Variants in COL14A1 observed in about 807,000 individuals in gnomAD.
COL14A1 encodes the protein collagen alpha-1(XIV) chain.
Under a neutral mutation model 230.3 loss-of-function variants are expected in COL14A1, and 136 were observed. The ratio of observed to expected loss-of-function variants is 0.59; its 90% CI spans 0.51 to 0.68. The LOEUF is 0.68. Among genes scored for constraint, COL14A1 ranks in the 30% least tolerant of loss-of-function variants. COL14A1 has a pLI of 0.00. For synonymous variants in COL14A1, 792 were observed against 784.1 expected, an observed-to-expected ratio of 1.01 and a Z score of -0.17; for missense variants, 1,976 against 2,215.8, an observed-to-expected ratio of 0.89 and a Z score of 2.17.
At chr8:120,307,756 G>C (rs906597360) in intron 36 of COL14A1, among the ~76,000 whole-genome samples, 8 of 152,134 alleles carry the variant, frequency 5.3e-5, no homozygotes, top group Admixed American at 2.0e-4. Context: ...TGTAAAGTTT[G>C]ATAATATTCA....
In COL14A1 at chr8:120,227,210, T is replaced by C. The variant is rs748732907; in HGVS notation, c.2005-10T>C. 6.2e-7 allele frequency: 1 copy of C among 1,613,296 alleles called. No homozygotes were observed. Among genetic ancestry groups the C allele is most frequent in the Non-Finnish European group, 8.5e-7 (1 of 1,179,740 alleles). Reference sequence around the variant, plus strand: ...TAAGCATAGTTACTAAGCACCAAAATATATTTCAGGTTGTCCTGAAAGAAG... The same window carrying C: ...TAAGCATAGTTACTAAGCACCAAAACATATTTCAGGTTGTCCTGAAAGAAG... On this transcript the variant is annotated splice_polypyrimidine_tract_variant and intron_variant, in intron 16 of 47. Transcript: ENST00000297848.
chr8:120,271,638 A>G (rs1382623579), intron 26 of COL14A1, among the ~76,000 whole-genome samples: 1 of 151,676 alleles, frequency 6.6e-6, no homozygotes, highest in Non-Finnish European at 1.5e-5. Flanking sequence ...AGAGAAAATG[A>G]TAAGTACAGA....
At chr8:120,159,106 T>A (rs1158836667) in intron 3 of COL14A1, among the ~76,000 whole-genome samples, 1 of 152,220 alleles carries the variant, frequency 6.6e-6, no homozygotes, top group African/African-American at 2.4e-5. Flanking sequence ...TGGAGTTTTC[T>A]ATGAATTTGC....
intron 20 of COL14A1, among the ~76,000 whole-genome samples, chr8:120,246,215 C>T (rs1413117045): frequency 1.3e-5 from 2 of 152,140 alleles, no homozygotes; most frequent in African/African-American, 4.8e-5. Flanking sequence ...TGGCATCTCT[C>T]CCTCCTCCCG....
chr8:120,368,485 C>G (rs368483795), intron 46 of COL14A1, among the ~76,000 whole-genome samples: 12 of 150,852 alleles, frequency 8.0e-5, no homozygotes, highest in African/African-American at 2.4e-4. Flanking sequence ...CCACGCTATT[C>G]AAATAGAAGG....
At chr8:120,366,009 G>T (rs1823396880) in intron 45 of COL14A1, among the ~76,000 whole-genome samples, 2 of 152,178 alleles carry the variant, frequency 1.3e-5, no homozygotes, top group South Asian at 4.1e-4. Flanking sequence ...TATGTGCAGT[G>T]TAAAAACAAA....
chr8:120,202,113 T>C (rs1817268612), intron 8 of COL14A1, among the ~76,000 whole-genome samples: 1 of 152,216 alleles, frequency 6.6e-6, no homozygotes, highest in Admixed American at 6.5e-5. Context: ...CCTGTCCTTT[T>C]GTCCAATAAA....
Position 120,278,240 on chromosome 8 carries a change from A to G in COL14A1, c.3337+6A>G, listed in dbSNP as rs757339690. The G allele has an allele frequency of 1.4e-5, 23 of 1,599,642 alleles. No individual in the cohort carries two copies. Among genetic ancestry groups the G allele is most frequent in the Non-Finnish European group, 2.0e-5 (23 of 1,175,450 alleles). ...AGGAGGAAATACAAAAACAGGTATG[A>G]CCAAAAGAAGCCCAGCTAAGGCTCA... On this transcript the variant is annotated splice_donor_region_variant and intron_variant, in intron 27 of 47. Transcript: ENST00000297848.
At chr8:120,338,403 A>C (rs995554620) in intron 42 of COL14A1, among the ~76,000 whole-genome samples, 2 of 152,096 alleles carry the variant, frequency 1.3e-5, no homozygotes, top group African/African-American at 4.8e-5. Flanking sequence ...GGAGCCCACA[A>C]TTTGGGTTCA....
At chr8:120,357,943 A>G (rs1823043038) in intron 45 of COL14A1, among the ~76,000 whole-genome samples, 1 of 152,238 alleles carries the variant, frequency 6.6e-6, no homozygotes, top group South Asian at 2.1e-4. Context: ...GAAATTAGTC[A>G]TAATTAGAAC....
At chr8:120,147,719 C>A in intron 1 of COL14A1, 87 bp from the exon 2 acceptor site, 1 of 630,070 alleles carries the variant, frequency 1.6e-6, no homozygotes, top group Non-Finnish European at 2.7e-6. Flanking sequence ...AATACTAATC[C>A]ATGTTGGCTT....
At chr8:120,183,702 G>A (rs1216336631) in intron 5 of COL14A1, among the ~76,000 whole-genome samples, 4 of 152,116 alleles carry the variant, frequency 2.6e-5, no homozygotes, top group Admixed American at 6.5e-5. Flanking sequence ...ATGTTGTTTC[G>A]GCTGTGGCAC....
Position 120,278,508 on chromosome 8 carries a change from T to C in COL14A1, c.3411T>C (p.Val1137=). The C allele has an allele frequency of 6.2e-7, 1 of 1,613,180 alleles. No individual in the cohort carries two copies. The highest frequency in any genetic ancestry group is 8.5e-7 in the Non-Finnish European group (1 of 1,179,498). The change falls in exon 28 of 48, where the codon GTT becomes GTC. Residue 1137 remains valine, a synonymous_variant. Transcript: ENST00000297848. ...ESGTRRGIPK[V]IVVITDGRSQ... ...GTACAAGAAGGGGCATCCCAAAGGT[T>C]ATCGTGGTTATAACTGATGGAAGAT...
At chr8:120,325,389 C>G (rs576385084) in intron 40 of COL14A1, among the ~76,000 whole-genome samples, 44 of 152,274 alleles carry the variant, frequency 2.9e-4, no homozygotes, top group African/African-American at 8.9e-4. Flanking sequence ...TTAAAAAAGT[C>G]AGCCTAAGTG....
At chr8:120,299,878 T>C (rs1248213244) in intron 35 of COL14A1, among the ~76,000 whole-genome samples, 3 of 152,140 alleles carry the variant, frequency 2.0e-5, no homozygotes, top group Non-Finnish European at 4.4e-5. Flanking sequence ...TCTATTTGGC[T>C]CTAATTTTAT....
At chr8:120,357,570 G>A (rs573542004) in intron 45 of COL14A1, among the ~76,000 whole-genome samples, 4 of 152,206 alleles carry the variant, frequency 2.6e-5, no homozygotes, top group Admixed American at 2.0e-4. Flanking sequence ...ACACTTTGGA[G>A]GGAGGCATTT....
chr8:120,213,622 A>G (rs997146721), intron 13 of COL14A1, among the ~76,000 whole-genome samples: 8 of 152,206 alleles, frequency 5.3e-5, no homozygotes, highest in Non-Finnish European at 8.8e-5. Flanking sequence ...CATCCACCAC[A>G]TAAGTGAATT....
intron 40 of COL14A1, among the ~76,000 whole-genome samples, chr8:120,316,278 G>T (rs1222819446): frequency 6.6e-6 from 1 of 152,114 alleles, no homozygotes; most frequent in Non-Finnish European, 1.5e-5. Flanking sequence ...GTGTGCATTG[G>T]TTTAGTAGAT....
At chr8:120,149,893 C>T (rs1815224512) in intron 2 of COL14A1, among the ~76,000 whole-genome samples, 1 of 152,174 alleles carries the variant, frequency 6.6e-6, no homozygotes, top group South Asian at 2.1e-4. Flanking sequence ...GGGGTTTCAC[C>T]ATGTTGGTCA....
Sources: gnomAD v4.1 joint callset for allele counts (sites outside exome capture counted in the v4.1 genomes callset) on GRCh38, gnomAD v4.1.1 for gene constraint, MANE v1.5 for transcripts, NCBI Gene and HGNC (gene_info 2026-07-23, HGNC 2026-07-21) for gene names.